The following ZNF483 variants were observed in gnomAD, a reference collection of about 807,000 sequenced individuals.
The protein encoded by ZNF483 is zinc finger protein HIT-10.
Under a neutral mutation model 28.6 loss-of-function variants are expected in ZNF483, and 9 were observed. The observed-to-expected ratio is 0.32, with a 90% CI of 0.19 to 0.55. The LOEUF is 0.55. Among genes scored for constraint, ZNF483 ranks in the 20% least tolerant of loss-of-function variants. ZNF483 has a pLI of 0.93. For missense variants in ZNF483, 675 were observed against 871.7 expected, an observed-to-expected ratio of 0.77 and a Z score of 2.84; for synonymous variants, 322 against 306.2, an observed-to-expected ratio of 1.05 and a Z score of -0.54.
At chr9:111,567,380 G>C (rs1000875778) in intron 5 of ZNF483, among the ~76,000 whole-genome samples, 1 of 152,098 alleles carries the variant, frequency 6.6e-6, no homozygotes, top group Non-Finnish European at 1.5e-5. Flanking sequence ...TAGAGACAGG[G>C]TTTCACCATG....
At chr9:111,539,369 C>T (rs768739680) in intron 5 of ZNF483, 9 of 449,628 alleles carry the variant, frequency 2.0e-5, no homozygotes, top group Admixed American at 1.7e-4. Flanking sequence ...GCTTCTGCTC[C>T]TCATGTGTCA....
chr9:111,558,497 G>A (rs747030737), downstream of ZNF483, among the ~76,000 whole-genome samples: 6 of 152,108 alleles, frequency 3.9e-5, no homozygotes, highest in African/African-American at 9.7e-5. Context: ...GGACAACATA[G>A]CAAGAATCCT....
intron 5 of ZNF483, among the ~76,000 whole-genome samples, chr9:111,567,861 C>T (rs929092568): frequency 2.0e-5 from 3 of 152,158 alleles, no homozygotes; most frequent in South Asian, 2.1e-4. Context: ...GGCAGAGGAA[C>T]ATAAATTGTG....
At chr9:111,573,593 C>T (rs74999040) in intron 5 of ZNF483, among the ~76,000 whole-genome samples, 16,568 of 151,904 alleles carry the variant, frequency 0.11, 1,234 homozygotes, top group East Asian at 0.39. Flanking sequence ...GGGGGGGGAC[C>T]ATAGGTAATT....
At chr9:111,532,823 C>T (rs528635108) in intron 3 of ZNF483, among the ~76,000 whole-genome samples, 13 of 151,808 alleles carry the variant, frequency 8.6e-5, no homozygotes, top group African/African-American at 2.2e-4. Context: ...GCATGAGAAT[C>T]GCTTGAACCC....
At chr9:111,557,944 C>T (rs1188360419), downstream of ZNF483, among the ~76,000 whole-genome samples, 3 of 152,020 alleles carry the variant, frequency 2.0e-5, no homozygotes, top group East Asian at 5.8e-4. Flanking sequence ...GTTAAGAGTT[C>T]GAGGCCAGCC....
chr9:111,554,169 A>G lies in ZNF483; in HGVS notation c.*10999A>G, dbSNP rs535116810. On this transcript the variant is annotated 3_prime_UTR_variant, in exon 6 of 6. Coordinates refer to ENST00000309235, the MANE Select transcript of ZNF483 (RefSeq NM_133464.5). The stretch of plus-strand genomic sequence containing the variant: ...ACTATTGACATCACAAACTACTACT[A>G]TTATGTTATTGGAACTAACTACTTA... Among the ~76,000 whole-genome samples, 4 of 152,288 alleles carry G rather than the reference A, an allele frequency of 2.6e-5. No individual in the cohort carries two copies. Among genetic ancestry groups the G allele is most frequent in the African/African-American group, 9.6e-5 (4 of 41,556 alleles).
chr9:111,527,233 T>A, intron 1 of ZNF483, 35 bp from the exon 2 acceptor site: 1 of 677,074 alleles, frequency 1.5e-6, no homozygotes, highest in South Asian at 2.9e-5. Context: ...ACAGTTTTTT[T>A]ACTTATTTAA....
rs1177597218 is a variant in ZNF483 at position 111,552,470 on chromosome 9, C to T, written c.*9300C>T. Among the ~76,000 whole-genome samples the T allele has an allele frequency of 6.6e-6, 1 of 152,184 alleles. No individual in the cohort carries two copies. Among genetic ancestry groups the T allele is most frequent in the African/African-American group, 2.4e-5 (1 of 41,436 alleles). ...CAATGAGGGAAAAGTTATCCTCTTGCTTTAAAATTCCAACATGGATGGTCT... is the reference window on the plus strand; with the variant it reads ...CAATGAGGGAAAAGTTATCCTCTTGTTTTAAAATTCCAACATGGATGGTCT... On this transcript the variant is annotated 3_prime_UTR_variant, in exon 6 of 6. Coordinates refer to ENST00000309235, the MANE Select transcript of ZNF483 (RefSeq NM_133464.5).
intron 5 of ZNF483, chr9:111,564,389 T>C (rs1397528593): frequency 1.1e-5 from 3 of 279,632 alleles, no homozygotes; most frequent in African/African-American, 6.9e-5. Context: ...CACTGCAGTC[T>C]CAACCTCCTG....
At position 111,543,005 on chromosome 9, in the gene ZNF483, C is replaced by G. The variant is rs1002267947; in HGVS notation, c.2070C>G (p.Pro690=). ...ACCGAATTCATACAGGAGAGAAACC[C>G]TATGAGTGTAACTATTGTGGTGCAA... The part of the protein sequence containing the change: ...EHHRIHTGEK[P]YECNYCGATF... The change falls in exon 6 of 6, where the codon CCC becomes CCG. Residue 690 remains proline, a synonymous_variant. Transcript: ENST00000309235. 6 of 1,614,044 alleles carry G rather than the reference C, an allele frequency of 3.7e-6. No individual in the cohort carries two copies. In the Admixed American group the frequency reaches 8.3e-5, roughly 22 times the overall value.
intron 5 of ZNF483, chr9:111,574,759 A>T (rs1282135976): frequency 3.1e-6 from 5 of 1,613,720 alleles, no homozygotes; most frequent in African/African-American, 1.3e-5. Flanking sequence ...CGGTTCTGTT[A>T]TATGTAGAGA....
exon 6 of ZNF483, chr9:111,576,475 T>G: frequency 6.2e-7 from 1 of 1,609,036 alleles, no homozygotes. Flanking sequence ...ATGGGGCCAC[T>G]GCAGTGCAGT....
At chr9:111,536,971 C>T (rs1827522922) in intron 5 of ZNF483, among the ~76,000 whole-genome samples, 1 of 152,146 alleles carries the variant, frequency 6.6e-6, no homozygotes, top group Admixed American at 6.6e-5. Flanking sequence ...ATTGCAGCTG[C>T]AGACCTCAGT....
In ZNF483 at chr9:111,544,337, G is replaced by GGTGTGTGTGCGTGTGT. The variant is rs1388341385; in HGVS notation, c.*1177_*1178insGTGTGTGTGTGTGTGC. 1.0e-6 allele frequency: 1 copy of GGTGTGTGTGCGTGTGT among 971,898 alleles called. No homozygotes were observed. Among genetic ancestry groups the GGTGTGTGTGCGTGTGT allele is most frequent in the Non-Finnish European group, 1.2e-6 (1 of 827,444 alleles). 60.2% of individuals were successfully genotyped at this position (971,898 alleles called of 1,614,324 possible). A position where few individuals can be genotyped will look rare whatever the true frequency, so the allele number is the denominator to read the frequency against. On this transcript the variant is annotated 3_prime_UTR_variant, in exon 6 of 6. Transcript: ENST00000309235. ...AAAAGCTGTTATAACAATTTGCTTG[G>GGTGTGTGTGCGTGTGT]GTGTGTGTGCATGTGTGTGTGTGTG...
chr9:111,571,168 T>C (rs1336087088), intron 5 of ZNF483, among the ~76,000 whole-genome samples: 1 of 149,742 alleles, frequency 6.7e-6, no homozygotes, highest in Non-Finnish European at 1.5e-5. Context: ...ATCCAGCATT[T>C]TGGGAGGCCG....
At chr9:111,537,902 TG>T (rs1381023200) in intron 5 of ZNF483, among the ~76,000 whole-genome samples, 1 of 152,022 alleles carries the variant, frequency 6.6e-6, no homozygotes, top group Non-Finnish European at 1.5e-5. Context: ...GGTGGGATTA[TG>T]GGGGTGAGCC....
Position 111,541,668 on chromosome 9 carries a change from T to G in ZNF483, c.733T>G (p.Leu245Val). Reference protein sequence around the residue: ...SKSSRLDESALDKIIERCLRD... With the variant: ...SKSSRLDESAVDKIIERCLRD... ...CTTATATCTTTTAGATGAATCAGCT[T>G]TAGATAAAATAATAGAAAGGTGCCT... Residue 245 changes from leucine to valine, a missense_variant, in exon 6 of 6, where the codon TTA becomes GTA. This residue lies in a region of ZNF483 where 525 missense variants were observed against 581.8 expected (regional missense o/e 0.90). Transcript: ENST00000309235. 6.3e-7 allele frequency: 1 copy of G among 1,598,934 alleles called. No homozygotes were observed. The highest frequency in any genetic ancestry group is 8.5e-7 in the Non-Finnish European group (1 of 1,175,706).
downstream of ZNF483, among the ~76,000 whole-genome samples, chr9:111,555,670 A>G (rs1828101977): frequency 6.6e-6 from 1 of 152,000 alleles, no homozygotes; most frequent in Non-Finnish European, 1.5e-5. Context: ...AGCAGGGGAG[A>G]GCAAAAAGGG....
Sources: gnomAD v4.1 joint callset for allele counts (sites outside exome capture counted in the v4.1 genomes callset) on GRCh38, gnomAD v4.1.1 for gene constraint, gnomAD v4.1.1 regional missense constraint, MANE v1.5 for transcripts, NCBI Gene and HGNC (gene_info 2026-07-23, HGNC 2026-07-21) for gene names.